The following PLCH1 variants were observed in gnomAD, a reference collection of about 807,000 sequenced individuals.
PLCH1 encodes phospholipase C eta 1, also known as 1-phosphatidylinositol 4,5-bisphosphate phosphodiesterase eta-1.
PLCH1 carries 60 observed loss-of-function variants against 126.7 expected under a neutral mutation model. That is an observed-to-expected ratio of 0.47 (90% confidence interval 0.38 to 0.59). PLCH1 has a LOEUF of 0.59. Among genes scored for constraint, PLCH1 ranks in the 20% least tolerant of loss-of-function variants. The pLI is 0.00. For synonymous variants in PLCH1, 719 were observed against 734.9 expected, an observed-to-expected ratio of 0.98 and a Z score of 0.35; for missense variants, 1,723 against 2,040.0, an observed-to-expected ratio of 0.84 and a Z score of 2.99.
At chr3:155,677,638 T>G (rs1239180445) in intron 2 of PLCH1, among the ~76,000 whole-genome samples, 4 of 152,218 alleles carry the variant, frequency 2.6e-5, no homozygotes, top group Non-Finnish European at 4.4e-5. Flanking sequence ...GGCATAGTAA[T>G]AGTTTCTACT....
At chr3:155,682,997 G>C (rs1744655777) in intron 2 of PLCH1, among the ~76,000 whole-genome samples, 2 of 152,182 alleles carry the variant, frequency 1.3e-5, no homozygotes, top group Non-Finnish European at 2.9e-5. Flanking sequence ...ATATTCTAAT[G>C]AGACAGAACA....
chr3:155,616,607 A>T (rs1278369058), intron 2 of PLCH1, among the ~76,000 whole-genome samples: 2 of 152,166 alleles, frequency 1.3e-5, no homozygotes, highest in East Asian at 3.8e-4. Context: ...TAGCTTTAGC[A>T]TTACTATATT....
chr3:155,675,769 T>G (rs1351350617), intron 2 of PLCH1, among the ~76,000 whole-genome samples: 1 of 152,208 alleles, frequency 6.6e-6, no homozygotes, highest in Admixed American at 6.5e-5. Context: ...TACTTTCAGT[T>G]TGCCAGCATG....
chr3:155,496,815 C>T (rs1296509471), intron 15 of PLCH1, among the ~76,000 whole-genome samples: 3 of 152,140 alleles, frequency 2.0e-5, no homozygotes, highest in Non-Finnish European at 2.9e-5. Flanking sequence ...AAAACAGTGA[C>T]GGAGAGAATG....
chr3:155,633,030 C>G lies in PLCH1; in HGVS notation c.80-36652G>C, dbSNP rs374954239. Among the ~76,000 whole-genome samples the G allele has an allele frequency of 3.9e-5, 6 of 152,176 alleles. No homozygotes were observed. In the East Asian group the frequency reaches 1.2e-3, roughly 29 times the overall value. ...ACGTATTTCCAGATTTTTCCCTTCC[C>G]TGAGTGTGAAGAACTCAAGTTTTTC... On this transcript the variant is annotated intron_variant, in intron 2 of 22. Transcript: ENST00000460012.
At chr3:155,467,009 A>G (rs1470481668) in intron 21 of PLCH1, among the ~76,000 whole-genome samples, 5 of 152,178 alleles carry the variant, frequency 3.3e-5, no homozygotes, top group African/African-American at 1.2e-4. Context: ...AAATAGCCTC[A>G]AAAGGGCTAA....
chr3:155,475,233 T>C (rs1713486367), downstream of PLCH1, among the ~76,000 whole-genome samples: 1 of 151,664 alleles, frequency 6.6e-6, no homozygotes, highest in South Asian at 2.1e-4. Context: ...CAAAAAGAAA[T>C]TAAGAAGAAA....
chr3:155,452,734 A>G (rs892689538), intron 21 of PLCH1, among the ~76,000 whole-genome samples: 7 of 152,134 alleles, frequency 4.6e-5, no homozygotes, highest in Admixed American at 2.6e-4. Context: ...CCTGATGTCA[A>G]TGGGCAAAAT....
intron 2 of PLCH1, among the ~76,000 whole-genome samples, chr3:155,654,927 C>T (rs750996986): frequency 2.0e-5 from 3 of 152,196 alleles, no homozygotes; most frequent in African/African-American, 7.2e-5. Flanking sequence ...TTCTACCATT[C>T]CATTCTTTGT....
Position 155,667,109 on chromosome 3 carries a change from A to G in PLCH1, c.79+37037T>C, listed in dbSNP as rs189460098. Among the ~76,000 whole-genome samples the G allele has an allele frequency of 8.5e-5, 13 of 152,300 alleles. No individual in the cohort carries two copies. The East Asian group carries it at 2.3e-3, about 27-fold the overall frequency. The stretch of plus-strand genomic sequence containing the variant: ...ACAGAATCCATATTTTTTAAATGAA[A>G]ATGCCCAAAATCCATATTTTTAAAT... On this transcript the variant is annotated intron_variant, in intron 2 of 22. Coordinates refer to ENST00000460012, the MANE Select transcript of PLCH1 (RefSeq NM_014996.4).
intron 3 of PLCH1, 112 bp from the exon 4 acceptor site, chr3:155,594,296 GC>G: frequency 9.8e-7 from 1 of 1,024,812 alleles, no homozygotes; most frequent in Non-Finnish European, 1.4e-6. Flanking sequence ...TAAGTATGAG[GC>G]TGGGTGCTCA....
intron 1 of PLCH1, among the ~76,000 whole-genome samples, chr3:155,718,447 G>A (rs940199784): frequency 2.6e-5 from 4 of 152,138 alleles, no homozygotes; most frequent in African/African-American, 9.7e-5. Context: ...TTCTGTGTTA[G>A]GCCATTCTTG....
intron 1 of PLCH1, among the ~76,000 whole-genome samples, chr3:155,735,345 G>A (rs73017123): frequency 0.024 from 3,646 of 152,114 alleles, 165 homozygotes; most frequent in African/African-American, 0.083. Flanking sequence ...TTAAAAAATT[G>A]ATAAGGAGCT....
chr3:155,583,719 T>C lies in PLCH1; in HGVS notation c.601-77A>G, dbSNP rs977869328. 1.1e-5 allele frequency: 11 copies of C among 1,020,962 alleles called. No individual in the cohort carries two copies. The African/African-American group carries it at 1.3e-4, about 12-fold the overall frequency. The allele number at this position is 1,020,962 out of a possible 1,614,324, so 63.2% of individuals were successfully genotyped here. On this transcript the variant is annotated intron_variant, in intron 5 of 22. Transcript: ENST00000460012. Reference sequence around the variant, plus strand: ...TTCAGTACTGGGAAATAATATTTACTATAAAAGAGCTAGTACACAAATCCC... The same window carrying C: ...TTCAGTACTGGGAAATAATATTTACCATAAAAGAGCTAGTACACAAATCCC...
Position 155,629,225 on chromosome 3 carries a change from T to C in PLCH1, c.80-32847A>G, listed in dbSNP as rs373422890. 2.6e-5 allele frequency among the ~76,000 whole-genome samples: 4 copies of C among 152,208 alleles called. No homozygotes were observed. In the East Asian group the frequency reaches 7.7e-4, roughly 29 times the overall value. On this transcript the variant is annotated intron_variant, in intron 2 of 22. Transcript: ENST00000460012. ...ATCAGAGCTCAGAAAATGCAGCGGC[T>C]CAAAGTAGTGGCAGATTCTCAGTTA... is the stretch of plus-strand genomic sequence containing the variant.
At chr3:155,726,152 T>A (rs1244221595) in intron 1 of PLCH1, among the ~76,000 whole-genome samples, 1 of 152,226 alleles carries the variant, frequency 6.6e-6, no homozygotes, top group Non-Finnish European at 1.5e-5. Context: ...CCTTATATAG[T>A]CAATACGTGT....
chr3:155,542,602 C>T (rs1724502973), intron 10 of PLCH1, among the ~76,000 whole-genome samples: 1 of 152,140 alleles, frequency 6.6e-6, no homozygotes, highest in Non-Finnish European at 1.5e-5. Context: ...GTCCCTGACC[C>T]CTGACCCCCA....
chr3:155,692,044 T>A (rs1745428837), intron 2 of PLCH1, among the ~76,000 whole-genome samples: 1 of 151,036 alleles, frequency 6.6e-6, no homozygotes, highest in South Asian at 2.1e-4. Flanking sequence ...AAAAAAAAAA[T>A]TAGTGCTCAA....
intron 2 of PLCH1, among the ~76,000 whole-genome samples, chr3:155,664,732 C>A (rs1742543883): frequency 6.6e-6 from 1 of 152,220 alleles, no homozygotes; most frequent in African/African-American, 2.4e-5. Context: ...CATAACATTT[C>A]ATAATTTATG....
Sources: allele counts gnomAD v4.1 joint callset (sites outside exome capture counted in the v4.1 genomes callset), GRCh38; gene constraint gnomAD v4.1.1; transcripts MANE v1.5; gene names NCBI Gene and HGNC (gene_info 2026-07-23, HGNC 2026-07-21).